Variants in NUP210 observed in about 807,000 individuals in gnomAD.
NUP210 encodes the protein nucleoporin 210.
In NUP210, 151 loss-of-function variants were observed where a neutral mutation model predicts 196.0. The ratio of observed to expected loss-of-function variants is 0.77; its 90% CI spans 0.67 to 0.88. The LOEUF is 0.88. NUP210 is among the 40% of genes least tolerant of loss of function. NUP210 has a pLI of 0.00. For missense variants in NUP210, 2,314 were observed against 2,493.7 expected, an observed-to-expected ratio of 0.93 and a Z score of 1.53; for synonymous variants, 1,070 against 1,052.7, an observed-to-expected ratio of 1.02 and a Z score of -0.32.
chr3:13,412,230 T>C (rs1237483643), intron 1 of NUP210, among the ~76,000 whole-genome samples: 4 of 108,614 alleles, frequency 3.7e-5, no homozygotes, highest in Non-Finnish European at 7.2e-5. Flanking sequence ...ATTTTCCTTT[T>C]CTTTTTTTTT....
At chr3:13,324,075 C>T (rs1470837422) in intron 33 of NUP210, among the ~76,000 whole-genome samples, 3 of 152,200 alleles carry the variant, frequency 2.0e-5, no homozygotes, top group Non-Finnish European at 2.9e-5. Flanking sequence ...GCCCCTGCAG[C>T]TCCCAGGGAT....
Position 13,358,393 on chromosome 3 carries a change from G to T in NUP210, c.2157C>A (p.Val719=). ...LVTCQALGEQ[V]IALSVGNKPS... is the part of the protein sequence containing the mutation. ...GCTTGTTCCCCACCGACAGGGCGAT[G>T]ACCTGGTAGGGCACAGTGAACAGTC... is the stretch of plus-strand genomic sequence containing the variant. Residue 719 remains valine, a splice_region_variant and synonymous_variant, in exon 16 of 40, where the codon GTC becomes GTA. Coordinates refer to ENST00000254508, the MANE Select transcript of NUP210 (RefSeq NM_024923.4). 2 of 1,608,494 alleles carry T rather than the reference G, an allele frequency of 1.2e-6. No homozygotes were observed. Among genetic ancestry groups the T allele is most frequent in the Non-Finnish European group, 1.7e-6 (2 of 1,176,488 alleles).
Position 13,399,721 on chromosome 3 carries a change from T to C in NUP210, c.304+4A>G, listed in dbSNP as rs1324523809. 1.9e-6 allele frequency: 3 copies of C among 1,614,102 alleles called. No individual in the cohort carries two copies. Among genetic ancestry groups the C allele is most frequent in the Non-Finnish European group, 2.5e-6 (3 of 1,179,990 alleles). ...GGGGATCACACACAGCACTCAGCCC[T>C]TACTGATGTCCTCTGCGAAGATGAT... On this transcript the variant is annotated splice_donor_region_variant and intron_variant, in intron 2 of 39. Coordinates refer to ENST00000254508, the MANE Select transcript of NUP210 (RefSeq NM_024923.4).
At chr3:13,342,332 T>C (rs912970535) in intron 21 of NUP210, among the ~76,000 whole-genome samples, 1 of 152,150 alleles carries the variant, frequency 6.6e-6, no homozygotes, top group Non-Finnish European at 1.5e-5. Flanking sequence ...GAGGCATAAA[T>C]TCCACATTCT....
At chr3:13,341,696 C>G (rs530203993) in intron 23 of NUP210, 52 bp downstream of exon 23, 20 of 1,605,448 alleles carry the variant, frequency 1.2e-5, no homozygotes, top group Admixed American at 8.4e-5. Context: ...AAGACACTCC[C>G]AACCCCCAGC....
chr3:13,335,068 C>T (rs2124849968), intron 28 of NUP210, among the ~76,000 whole-genome samples: 1 of 152,356 alleles, frequency 6.6e-6, no homozygotes, highest in South Asian at 2.1e-4. Flanking sequence ...AAGGGCGCCC[C>T]AGCCTCTGTT....
chr3:13,343,637 G>A (rs1040958814), intron 20 of NUP210, among the ~76,000 whole-genome samples: 1 of 152,168 alleles, frequency 6.6e-6, no homozygotes, highest in Non-Finnish European at 1.5e-5. Context: ...GCTCCAAGGG[G>A]GCCAGTCAGC....
At chr3:13,410,926 A>AT (rs1700154552) in intron 1 of NUP210, among the ~76,000 whole-genome samples, 1 of 145,644 alleles carries the variant, frequency 6.9e-6, no homozygotes, top group African/African-American at 2.7e-5. Context: ...TCAAAAAAAA[A>AT]AAAAAAAAAA....
At chr3:13,324,917 C>T (rs889187650) in intron 33 of NUP210, among the ~76,000 whole-genome samples, 10 of 152,198 alleles carry the variant, frequency 6.6e-5, no homozygotes, top group African/African-American at 1.2e-4. Context: ...ATCCTCACAA[C>T]GCTATCATCC....
intron 1 of NUP210, among the ~76,000 whole-genome samples, chr3:13,414,225 G>A (rs575254979): frequency 6.6e-6 from 1 of 152,256 alleles, no homozygotes; most frequent in Non-Finnish European, 1.5e-5. Context: ...CCACCCGCGG[G>A]GTCCAGCCCC....
intron 1 of NUP210, among the ~76,000 whole-genome samples, chr3:13,412,332 T>A (rs932283967): frequency 6.8e-6 from 1 of 147,704 alleles, no homozygotes; most frequent in East Asian, 2.0e-4. Context: ...CCTCCCAAAG[T>A]GCTGGGATTA....
chr3:13,402,884 A>C (rs1027747040), intron 1 of NUP210, among the ~76,000 whole-genome samples: 1 of 152,186 alleles, frequency 6.6e-6, no homozygotes, highest in Non-Finnish European at 1.5e-5. Context: ...ACAATGGAGG[A>C]GGCTGTGGTG....
intron 3 of NUP210, 88 bp from the exon 4 acceptor site, chr3:13,391,395 G>A: frequency 1.3e-6 from 1 of 799,956 alleles, no homozygotes; most frequent in Non-Finnish European, 2.1e-6. Flanking sequence ...GCCCCATGCA[G>A]GAACCACACT....
At chr3:13,395,779 C>T (rs2124942004) in intron 3 of NUP210, among the ~76,000 whole-genome samples, 1 of 152,248 alleles carries the variant, frequency 6.6e-6, no homozygotes, top group Admixed American at 6.5e-5. Context: ...GTTTTCTGGT[C>T]TCTTGGGCAG....
At chr3:13,325,071 T>C (rs1696691995) in intron 33 of NUP210, among the ~76,000 whole-genome samples, 1 of 152,218 alleles carries the variant, frequency 6.6e-6, no homozygotes. Flanking sequence ...GCCTGGAATC[T>C]GGTGCATTTT....
chr3:13,377,614 G>A (rs1341294889), intron 8 of NUP210, 52 bp from the exon 9 acceptor site: 6 of 1,371,684 alleles, frequency 4.4e-6, no homozygotes, highest in South Asian at 1.2e-5. Context: ...GCAGCAGGGT[G>A]GAGGAGGATG....
rs369904106 is a variant in NUP210, at chr3:13,391,318, A to G, written c.437-11T>C. 43 of 1,574,262 alleles carry G rather than the reference A, an allele frequency of 2.7e-5. No homozygotes were observed. The East Asian group carries it at 3.2e-4, about 12-fold the overall frequency. ...TGCTGAAGGTGTTCCCTATAAGAGC[A>G]GATGGGAGAGGCAGACAGATATGGA... On this transcript the variant is annotated splice_polypyrimidine_tract_variant and intron_variant, in intron 3 of 39. Coordinates refer to ENST00000254508, the MANE Select transcript of NUP210 (RefSeq NM_024923.4).
intron 14 of NUP210, among the ~76,000 whole-genome samples, chr3:13,363,734 G>T (rs1201648778): frequency 6.6e-6 from 1 of 152,206 alleles, no homozygotes; most frequent in Admixed American, 6.5e-5. Flanking sequence ...ACAGATGAAA[G>T]GAGAAGAGAT....
At chr3:13,321,263 G>A (rs1696515893) in intron 36 of NUP210, among the ~76,000 whole-genome samples, 1 of 152,184 alleles carries the variant, frequency 6.6e-6, no homozygotes, top group East Asian at 1.9e-4. Context: ...TGTGGCAGAT[G>A]CTCCTGCACT....
Sources: gnomAD v4.1 joint callset for allele counts (sites outside exome capture counted in the v4.1 genomes callset) on GRCh38, gnomAD v4.1.1 for gene constraint, MANE v1.5 for transcripts, NCBI Gene and HGNC (gene_info 2026-07-23, HGNC 2026-07-21) for gene names.